Variants in PCDHGA5 observed in about 807,000 individuals in gnomAD.
PCDHGA5 encodes protocadherin gamma-A5.
A neutral mutation model predicts 56.7 loss-of-function variants in PCDHGA5; 36 were observed. The ratio of observed to expected loss-of-function variants is 0.64; its 90% CI spans 0.49 to 0.84. The LOEUF (loss-of-function observed/expected upper bound fraction) is 0.84, where lower values mean the gene tolerates loss of function less well. PCDHGA5 is among the 40% of genes least tolerant of loss of function. PCDHGA5 has a pLI of 0.00. For synonymous variants in PCDHGA5, 563 were observed against 520.2 expected, an observed-to-expected ratio of 1.08 and a Z score of -1.12; for missense variants, 1,305 against 1,201.5, an observed-to-expected ratio of 1.09 and a Z score of -1.27.
At chr5:141,413,498 T>G (rs1187570193) in intron 1 of PCDHGA5, 1 of 1,614,026 alleles carries the variant, frequency 6.2e-7, no homozygotes, top group Admixed American at 1.7e-5. Context: ...CGGTGCGTGG[T>G]GAGTTTTAAT....
chr5:141,442,047 G>A (rs186626119), intron 1 of PCDHGA5: 64 of 202,912 alleles, frequency 3.2e-4, no homozygotes, highest in Admixed American at 9.3e-4. Context: ...GCGCCTACTG[G>A]TCGCGGTGCA....
intron 1 of PCDHGA5, chr5:141,392,681 G>A (rs892273174): frequency 9.7e-7 from 1 of 1,026,496 alleles, no homozygotes; most frequent in Non-Finnish European, 1.4e-6. Context: ...CTGGACTGCA[G>A]CGAAACCCGA....
intron 1 of PCDHGA5, chr5:141,388,903 A>T: frequency 6.2e-7 from 1 of 1,614,010 alleles, no homozygotes; most frequent in Non-Finnish European, 8.5e-7. Flanking sequence ...GATGAAAATG[A>T]CAACGCCCCA....
At chr5:141,441,499 GCCT>G (rs1350774469) in intron 1 of PCDHGA5, 5 of 169,932 alleles carry the variant, frequency 2.9e-5, no homozygotes, top group African/African-American at 1.2e-4. Context: ...TTTCTACCAG[GCCT>G]CCTACGTCGT....
Position 141,501,940 on chromosome 5 carries a change from C to T in PCDHGA5, c.2481-3453C>T, listed in dbSNP as rs565207980. Among the ~76,000 whole-genome samples the T allele has an allele frequency of 2.6e-5, 4 of 152,250 alleles. No individual in the cohort carries two copies. In the East Asian group the frequency reaches 7.7e-4, roughly 29 times the overall value. On this transcript the variant is annotated intron_variant, in intron 2 of 3. Transcript: ENST00000518069. ...CAGCTTTGTTCCCTCAACACCACTG[C>T]TCCCTGTGACAGGTCATCCTCCTAA...
chr5:141,442,798 A>G (rs1055527090), intron 1 of PCDHGA5, among the ~76,000 whole-genome samples: 1 of 152,256 alleles, frequency 6.6e-6, no homozygotes, highest in East Asian at 1.9e-4. Flanking sequence ...TTTTACTTTG[A>G]TATTCAAATT....
chr5:141,373,139 A>G (rs886915700), intron 1 of PCDHGA5, among the ~76,000 whole-genome samples: 1 of 152,238 alleles, frequency 6.6e-6, no homozygotes, highest in Non-Finnish European at 1.5e-5. Flanking sequence ...CCTCACAATT[A>G]AGTGGTTTAC....
chr5:141,443,443 G>A (rs2098388456), intron 1 of PCDHGA5, among the ~76,000 whole-genome samples: 1 of 152,124 alleles, frequency 6.6e-6, no homozygotes, highest in African/African-American at 2.4e-5. Flanking sequence ...CTGTGGTTGC[G>A]CTCCTGTACT....
At position 141,490,819 on chromosome 5, in the gene PCDHGA5, C is replaced by T; in HGVS notation, c.2422-3988C>T. Reference sequence around the variant, plus strand: ...CCAGCGTACCTTTGACTATGAATTGCTGCAGATGCTGCAGATTGTGGTGGG... The same window carrying T: ...CCAGCGTACCTTTGACTATGAATTGTTGCAGATGCTGCAGATTGTGGTGGG... On this transcript the variant is annotated intron_variant, in intron 1 of 3. Transcript: ENST00000518069. This position sits in a 1 kb window ranked among gnomAD's most constrained non-coding sequence, Gnocchi z 5.4. 2 of 1,613,842 alleles carry T rather than the reference C, an allele frequency of 1.2e-6. No individual in the cohort carries two copies. Among genetic ancestry groups the T allele is most frequent in the Non-Finnish European group, 8.5e-7 (1 of 1,179,804 alleles).
Position 141,389,941 on chromosome 5 carries a change from T to C in PCDHGA5, c.2421+23190T>C, listed in dbSNP as rs772172943. 2.5e-6 allele frequency: 4 copies of C among 1,613,952 alleles called. No homozygotes were observed. In the African/African-American group the frequency reaches 5.3e-5, roughly 22 times the overall value. On this transcript the variant is annotated intron_variant, in intron 1 of 3. Coordinates refer to ENST00000518069, the MANE Select transcript of PCDHGA5 (RefSeq NM_018918.3). ...GACCCCTCTGACCTCCAGGCTGAGC[T>C]GCAGTTTTACCTAGTGGTGGCCTTG...
In PCDHGA5 at chr5:141,441,804, C is replaced by CAT. The variant is rs1189673284; in HGVS notation, c.2422-53003_2422-53002insAT. The CAT allele has an allele frequency of 6.5e-4, 249 of 382,482 alleles. 2 individuals are homozygous for CAT. Among genetic ancestry groups the CAT allele is most frequent in the African/African-American group, 4.8e-3 (221 of 45,888 alleles). 23.7% of individuals were successfully genotyped at this position (382,482 alleles called of 1,614,324 possible). The stretch of plus-strand genomic sequence containing the variant: ...CCTGAATGACAACGCACCGCGGGTG[C>CAT]TGTACCCCAGCTCTGGAGCGCAATG... On this transcript the variant is annotated intron_variant, in intron 1 of 3. Transcript: ENST00000518069.
intron 1 of PCDHGA5, chr5:141,478,121 G>A (rs1393103666): frequency 1.2e-6 from 2 of 1,613,918 alleles, no homozygotes; most frequent in South Asian, 1.1e-5. Flanking sequence ...AGTAACCGAG[G>A]ACTCTCCTGA....
chr5:141,372,198 G>C lies in PCDHGA5; in HGVS notation c.2421+5447G>C, dbSNP rs776842752. The C allele has an allele frequency of 8.1e-6, 13 of 1,613,456 alleles. No individual in the cohort carries two copies. In the African/African-American group the frequency reaches 1.5e-4, roughly 18 times the overall value. On this transcript the variant is annotated intron_variant, in intron 1 of 3. Coordinates refer to ENST00000518069, the MANE Select transcript of PCDHGA5 (RefSeq NM_018918.3). ...GGTGGACGCAGACTCGGGATACAACGCCTGGCTGTCCTACCACATTGTGCA... is the reference window on the plus strand; with the variant it reads ...GGTGGACGCAGACTCGGGATACAACCCCTGGCTGTCCTACCACATTGTGCA...
chr5:141,491,368 A>G lies in PCDHGA5; in HGVS notation c.2422-3439A>G. ...CAGTCTCTTATCCCTAGTCACCTTC[A>G]CCTTTCTGTCAGCGAAGTGCCTTCA... On this transcript the variant is annotated intron_variant, in intron 1 of 3. Transcript: ENST00000518069. This position sits in a 1 kb window ranked among gnomAD's most constrained non-coding sequence, Gnocchi z 6.9. 6.2e-7 allele frequency: 1 copy of G among 1,613,842 alleles called. No homozygotes were observed. The highest frequency in any genetic ancestry group is 8.5e-7 in the Non-Finnish European group (1 of 1,179,940).
chr5:141,478,106 G>A (rs1474192496), intron 1 of PCDHGA5: 1 of 1,613,928 alleles, frequency 6.2e-7, no homozygotes, highest in Non-Finnish European at 8.5e-7. Context: ...TACCCTCACT[G>A]TGTCAGTAAC....
Position 141,485,618 on chromosome 5 carries a change from G to A in PCDHGA5, c.2422-9189G>A, listed in dbSNP as rs2099616729. 2.5e-6 allele frequency: 4 copies of A among 1,612,092 alleles called. No individual in the cohort carries two copies. Among genetic ancestry groups the A allele is most frequent in the Non-Finnish European group, 3.4e-6 (4 of 1,178,672 alleles). On this transcript the variant is annotated intron_variant, in intron 1 of 3. Coordinates refer to ENST00000518069, the MANE Select transcript of PCDHGA5 (RefSeq NM_018918.3). This position sits in a 1 kb window ranked among gnomAD's most constrained non-coding sequence, Gnocchi z 5.7. The stretch of plus-strand genomic sequence containing the variant: ...GGAAATTGGGGAGGCAGCTCCTCCA[G>A]GACAGCGTTTCCCGTTGGAAAAGGC...
chr5:141,370,506 C>T (rs1435099354), intron 1 of PCDHGA5: 1 of 1,613,912 alleles, frequency 6.2e-7, no homozygotes, highest in South Asian at 1.1e-5. Context: ...CTACGCTATT[C>T]CCGAGGAGCT....
At chr5:141,407,505 T>TTTTTTTTTTTTTTTTTTTTTTGAG (rs1460306566) in intron 1 of PCDHGA5, among the ~76,000 whole-genome samples, 1 of 152,148 alleles carries the variant, frequency 6.6e-6, no homozygotes, top group African/African-American at 2.4e-5. Context: ...CTGTTTTTCT[T>TTTTTTTTTTTTTTTTTTTTTTGAG]AGGCTATGTA....
chr5:141,427,955 G>A (rs749241312), intron 1 of PCDHGA5: 1 of 1,587,202 alleles, frequency 6.3e-7, no homozygotes, highest in Non-Finnish European at 8.6e-7. Context: ...ATGACAATGT[G>A]CCGCGGGTGC....
Sources: gnomAD v4.1 joint callset for allele counts (sites outside exome capture counted in the v4.1 genomes callset) on GRCh38, gnomAD v4.1.1 for gene constraint, Gnocchi (gnomAD v3.1) non-coding constraint, MANE v1.5 for transcripts, NCBI Gene and HGNC (gene_info 2026-07-23, HGNC 2026-07-21) for gene names.